TESK2: variants seen among roughly 807,000 people sequenced by gnomAD.
The protein encoded by TESK2 is testis associated actin remodelling kinase 2.
Under a neutral mutation model 57.1 loss-of-function variants are expected in TESK2, and 39 were observed. That is an observed-to-expected ratio of 0.68 (90% CI 0.53 to 0.89). The LOEUF is 0.89. Ranked by LOEUF, TESK2 falls within the 40% of genes least tolerant of loss-of-function variation. TESK2 has a pLI of 0.00. For synonymous variants in TESK2, 249 were observed against 267.9 expected, an observed-to-expected ratio of 0.93 and a Z score of 0.69; for missense variants, 646 against 732.1, an observed-to-expected ratio of 0.88 and a Z score of 1.36.
intron 4 of TESK2, among the ~76,000 whole-genome samples, chr1:45,384,593 A>ATTTTTTTTTTATTT (rs1648803081): frequency 1.4e-5 from 1 of 70,866 alleles, no homozygotes; most frequent in African/African-American, 5.7e-5. Flanking sequence ...CTAATTATTA[A>ATTTTTTTTTTATTT]TTTTTTTTTT....
intron 1 of TESK2, among the ~76,000 whole-genome samples, chr1:45,474,798 T>TA (rs1219091852): frequency 6.6e-6 from 1 of 151,264 alleles, no homozygotes; most frequent in African/African-American, 2.4e-5. Flanking sequence ...TTTTTTTTTT[T>TA]AATGCAGTTT....
intron 2 of TESK2, among the ~76,000 whole-genome samples, chr1:45,440,657 A>G (rs1447426356): frequency 1.3e-5 from 2 of 152,000 alleles, no homozygotes; most frequent in Non-Finnish European, 2.9e-5. Flanking sequence ...CAGAGGCTGC[A>G]GTGAGCCAAG....
intron 3 of TESK2, among the ~76,000 whole-genome samples, chr1:45,399,880 T>C (rs984964117): frequency 1.3e-5 from 2 of 152,202 alleles, no homozygotes; most frequent in Non-Finnish European, 2.9e-5. Context: ...CTTTTACTTA[T>C]TTTTGATAAA....
chr1:45,434,934 G>C (rs142731265), intron 2 of TESK2, among the ~76,000 whole-genome samples: 20 of 149,268 alleles, frequency 1.3e-4, no homozygotes, highest in African/African-American at 3.7e-4. Flanking sequence ...ATGTCTTGAA[G>C]TGTTTCCTCT....
intron 1 of TESK2, among the ~76,000 whole-genome samples, chr1:45,469,806 T>C (rs1652694320): frequency 6.6e-6 from 1 of 152,178 alleles, no homozygotes. Context: ...ATCCCAATCA[T>C]TCTCTATTTT....
chr1:45,425,672 C>A (rs909220310), intron 2 of TESK2, among the ~76,000 whole-genome samples: 3 of 151,648 alleles, frequency 2.0e-5, no homozygotes, highest in Non-Finnish European at 4.4e-5. Flanking sequence ...CAAAAAAGTT[C>A]TCTACAATGA....
intron 2 of TESK2, among the ~76,000 whole-genome samples, chr1:45,434,959 CTTT>C (rs60515365): frequency 7.1e-6 from 1 of 140,450 alleles, no homozygotes; most frequent in Non-Finnish European, 1.5e-5. Context: ...ACTTTTCTTT[CTTT>C]TTTTTTTTTT....
At chr1:45,416,192 C>G (rs1650233561) in intron 3 of TESK2, among the ~76,000 whole-genome samples, 1 of 147,290 alleles carries the variant, frequency 6.8e-6, no homozygotes, top group Non-Finnish European at 1.5e-5. Flanking sequence ...AAGCCATCCT[C>G]CCACCTCAGC....
intron 3 of TESK2, among the ~76,000 whole-genome samples, chr1:45,386,810 C>A (rs1648918809): frequency 6.6e-6 from 1 of 152,170 alleles, no homozygotes; most frequent in East Asian, 1.9e-4. Flanking sequence ...TGCGCCACCA[C>A]GCCCAGCTAA....
chr1:45,434,457 ATT>A (rs33951621), intron 2 of TESK2, among the ~76,000 whole-genome samples: 67,955 of 144,034 alleles, frequency 0.47, 15,759 homozygotes, highest in Middle Eastern at 0.51. Flanking sequence ...ACATCCAGCT[ATT>A]TTTTTTTTTT....
At chr1:45,377,641 A>T (rs1236224053) in intron 4 of TESK2, among the ~76,000 whole-genome samples, 16 of 149,300 alleles carry the variant, frequency 1.1e-4, no homozygotes, top group Admixed American at 1.1e-3. Context: ...CTGGTCTCGA[A>T]CTCCTGACCT....
At chr1:45,362,223 C>A (rs1647717386) in intron 4 of TESK2, among the ~76,000 whole-genome samples, 1 of 152,308 alleles carries the variant, frequency 6.6e-6, no homozygotes, top group African/African-American at 2.4e-5. Context: ...ATGATATATT[C>A]TTATAGCAGC....
chr1:45,473,078 C>T (rs1652839328), intron 1 of TESK2, among the ~76,000 whole-genome samples: 1 of 149,710 alleles, frequency 6.7e-6, no homozygotes, highest in Admixed American at 6.7e-5. Context: ...GGTGTGAACC[C>T]GGGAGGCAGA....
At chr1:45,429,908 T>C (rs1650879544) in intron 2 of TESK2, among the ~76,000 whole-genome samples, 1 of 152,194 alleles carries the variant, frequency 6.6e-6, no homozygotes, top group South Asian at 2.1e-4. Flanking sequence ...GGGCTAATAA[T>C]ACACTCTCAG....
chr1:45,353,996 C>T (rs1360677175), intron 5 of TESK2, among the ~76,000 whole-genome samples: 2 of 152,164 alleles, frequency 1.3e-5, no homozygotes, highest in Non-Finnish European at 2.9e-5. Context: ...CCCTAAAAAC[C>T]TGCATTCAAG....
At chr1:45,466,202 C>T (rs1014934914) in intron 1 of TESK2, among the ~76,000 whole-genome samples, 15 of 152,038 alleles carry the variant, frequency 9.9e-5, no homozygotes, top group African/African-American at 2.9e-4. Flanking sequence ...ATTGACCAGG[C>T]GCGGTGGCTC....
chr1:45,364,372 A>G (rs1430183139), intron 4 of TESK2, among the ~76,000 whole-genome samples: 1 of 152,224 alleles, frequency 6.6e-6, no homozygotes, highest in African/African-American at 2.4e-5. Flanking sequence ...AGATAGAGGC[A>G]GAAATTGGAC....
intron 3 of TESK2, among the ~76,000 whole-genome samples, chr1:45,409,419 T>A (rs530970467): frequency 4.6e-5 from 7 of 152,168 alleles, no homozygotes; most frequent in African/African-American, 1.7e-4. Context: ...TAGAATGATG[T>A]AAGAAAAAGG....
chr1:45,384,665 C>T (rs532468465), intron 4 of TESK2, among the ~76,000 whole-genome samples: 31 of 119,568 alleles, frequency 2.6e-4, no homozygotes, highest in Admixed American at 1.6e-3. Context: ...AGGCTGGTCT[C>T]GAAATCCTGG....
Sources: allele counts gnomAD v4.1 joint callset (sites outside exome capture counted in the v4.1 genomes callset), GRCh38; gene constraint gnomAD v4.1.1; transcripts MANE v1.5; gene names NCBI Gene and HGNC (gene_info 2026-07-23, HGNC 2026-07-21).